DENND5B: variants seen among roughly 807,000 people sequenced by gnomAD.
The protein encoded by DENND5B is DENN domain containing 5B.
DENND5B carries 34 observed loss-of-function variants against 140.6 expected under a neutral mutation model. The ratio of observed to expected loss-of-function variants is 0.24; its 90% CI spans 0.18 to 0.32. The LOEUF is 0.32. Among genes scored for constraint, DENND5B ranks in the 10% least tolerant of loss-of-function variants. DENND5B has a pLI of 1.00. For missense variants in DENND5B, 1,142 were observed against 1,560.2 expected (o/e 0.73, Z 4.52); for synonymous variants, 551 against 562.1 (o/e 0.98, Z 0.28).
chr12:31,552,230 T>C (rs542342334), intron 1 of DENND5B, among the ~76,000 whole-genome samples: 6 of 152,202 alleles, frequency 3.9e-5, no homozygotes, highest in Non-Finnish European at 8.8e-5. Flanking sequence ...TATTTTGAGA[T>C]ACGTCCCATC....
At chr12:31,468,481 A>G (rs1945381608) in intron 3 of DENND5B, among the ~76,000 whole-genome samples, 1 of 152,088 alleles carries the variant, frequency 6.6e-6, no homozygotes, top group South Asian at 2.1e-4. Flanking sequence ...GGTACAACAG[A>G]AGATACCAAT....
rs1419888933 is a variant in DENND5B at position 31,590,993 on chromosome 12, T to C, written c.-161A>G. On this transcript the variant is annotated 5_prime_UTR_variant, in exon 1 of 21. Coordinates refer to ENST00000389082, the MANE Select transcript of DENND5B (RefSeq NM_144973.4). Reference sequence around the variant, plus strand: ...CCTCTCGCCGCCGCAGCCTGCCTCCTCGCTCGGCGCGGGGGAAGCGGCCGC... The same window carrying C: ...CCTCTCGCCGCCGCAGCCTGCCTCCCCGCTCGGCGCGGGGGAAGCGGCCGC... 1.2e-6 allele frequency: 1 copy of C among 806,166 alleles called. No homozygotes were observed. The highest frequency in any genetic ancestry group is 1.5e-6 in the Non-Finnish European group (1 of 657,472). The allele number at this position is 806,166 out of a possible 1,614,324, so 49.9% of individuals were successfully genotyped here.
intron 1 of DENND5B, among the ~76,000 whole-genome samples, chr12:31,525,482 CAT>C (rs1326989839): frequency 6.6e-6 from 1 of 152,090 alleles, no homozygotes; most frequent in Non-Finnish European, 1.5e-5. Context: ...AATTTACAGA[CAT>C]ATAAAGAATA....
At chr12:31,425,769 TA>T (rs1415684690) in intron 9 of DENND5B, among the ~76,000 whole-genome samples, 17 of 152,266 alleles carry the variant, frequency 1.1e-4, no homozygotes, top group Middle Eastern at 3.4e-3. Context: ...GTCAAATAAA[TA>T]AATAAAATCA....
At chr12:31,554,201 C>A (rs1038788943) in intron 1 of DENND5B, among the ~76,000 whole-genome samples, 9 of 151,906 alleles carry the variant, frequency 5.9e-5, no homozygotes, top group African/African-American at 1.9e-4. Flanking sequence ...GTGGCTGGTA[C>A]CGGTTGTTCC....
intron 14 of DENND5B, among the ~76,000 whole-genome samples, chr12:31,405,539 T>TATGC (rs1251464238): frequency 6.6e-6 from 1 of 151,782 alleles, no homozygotes; most frequent in Non-Finnish European, 1.5e-5. Context: ...TGTATGTATG[T>TATGC]ATGTATGTAT....
intron 3 of DENND5B, among the ~76,000 whole-genome samples, chr12:31,473,313 A>T (rs1945643381): frequency 6.6e-6 from 1 of 152,220 alleles, no homozygotes; most frequent in African/African-American, 2.4e-5. Flanking sequence ...AGGATTAAGG[A>T]GGAAGTTTGA....
intron 3 of DENND5B, among the ~76,000 whole-genome samples, chr12:31,461,356 A>G (rs191780513): frequency 2.6e-5 from 4 of 152,318 alleles, no homozygotes; most frequent in African/African-American, 9.6e-5. Context: ...TTAACAGAAA[A>G]TTAAGGATTA....
intron 8 of DENND5B, among the ~76,000 whole-genome samples, chr12:31,430,186 C>A (rs904743954): frequency 1.3e-5 from 2 of 151,026 alleles, no homozygotes; most frequent in East Asian, 4.0e-4. Context: ...CCACACCCGG[C>A]TAGTTTTTGT....
At chr12:31,392,489 G>A (rs909551843) in intron 18 of DENND5B, 96 bp from the exon 19 acceptor site, 3 of 1,561,814 alleles carry the variant, frequency 1.9e-6, no homozygotes, top group Non-Finnish European at 2.6e-6. Flanking sequence ...GCTATATGAA[G>A]CATGTTTTTA....
At chr12:31,554,841 T>C (rs1249005089) in intron 1 of DENND5B, among the ~76,000 whole-genome samples, 1 of 152,232 alleles carries the variant, frequency 6.6e-6, no homozygotes, top group Non-Finnish European at 1.5e-5. Context: ...TTCTGCCAGT[T>C]GATCACATTG....
intron 1 of DENND5B, among the ~76,000 whole-genome samples, chr12:31,522,450 C>T (rs1057222559): frequency 6.6e-6 from 1 of 152,040 alleles, no homozygotes; most frequent in Non-Finnish European, 1.5e-5. Flanking sequence ...ATTAAAATTG[C>T]TATTATTATT....
At chr12:31,499,273 T>C (rs1946908691) in intron 1 of DENND5B, among the ~76,000 whole-genome samples, 2 of 152,192 alleles carry the variant, frequency 1.3e-5, no homozygotes, top group Non-Finnish European at 2.9e-5. Flanking sequence ...GACTATAAAT[T>C]TGTACGACTG....
chr12:31,498,270 C>A (rs1241873688), intron 1 of DENND5B, among the ~76,000 whole-genome samples: 1 of 152,164 alleles, frequency 6.6e-6, no homozygotes, highest in Admixed American at 6.5e-5. Flanking sequence ...GCAACACTTA[C>A]CTTTTAATTC....
At chr12:31,548,875 CA>C (rs1233499877) in intron 1 of DENND5B, among the ~76,000 whole-genome samples, 1 of 152,112 alleles carries the variant, frequency 6.6e-6, no homozygotes, top group Non-Finnish European at 1.5e-5. Flanking sequence ...CATCAATAAA[CA>C]GAGTACTACT....
At chr12:31,495,739 C>A (rs1305054188) in intron 2 of DENND5B, 71 bp downstream of exon 2, 2 of 1,112,244 alleles carry the variant, frequency 1.8e-6, no homozygotes, top group Non-Finnish European at 2.6e-6. Flanking sequence ...ATTCAAAATA[C>A]AGTCACTACC....
chr12:31,518,158 C>T (rs917717423), intron 1 of DENND5B, among the ~76,000 whole-genome samples: 3 of 152,210 alleles, frequency 2.0e-5, no homozygotes, highest in Admixed American at 6.5e-5. Context: ...GCTCATCTTT[C>T]CTCCTCAACC....
chr12:31,423,724 A>C, intron 10 of DENND5B, 49 bp from the exon 11 acceptor site: 1 of 1,568,842 alleles, frequency 6.4e-7, no homozygotes. Flanking sequence ...ATTCATCAAA[A>C]AATAATTTCT....
intron 1 of DENND5B, among the ~76,000 whole-genome samples, chr12:31,574,292 A>ATTATTATT (rs1565710034): frequency 6.7e-5 from 9 of 135,280 alleles, no homozygotes; most frequent in African/African-American, 2.8e-4. Flanking sequence ...TAATAATAAT[A>ATTATTATT]ATAATTTAAA....
Sources: gnomAD v4.1 joint callset for allele counts (sites outside exome capture counted in the v4.1 genomes callset) on GRCh38, gnomAD v4.1.1 for gene constraint, MANE v1.5 for transcripts, NCBI Gene and HGNC (gene_info 2026-07-23, HGNC 2026-07-21) for gene names.